The following SCMH1 variants were observed in gnomAD, a reference collection of about 807,000 sequenced individuals.
SCMH1 encodes polycomb protein SCMH1.
In SCMH1, 37 loss-of-function variants were observed where a neutral mutation model predicts 70.8. That is an observed-to-expected ratio of 0.52 (90% confidence interval 0.40 to 0.69). SCMH1 has a LOEUF of 0.69. Among genes scored for constraint, SCMH1 ranks in the 30% least tolerant of loss-of-function variants. SCMH1 has a pLI of 0.00. For missense variants in SCMH1, 607 were observed against 827.3 expected (o/e 0.73, Z 3.27); for synonymous variants, 292 against 307.4 (o/e 0.95, Z 0.52).
chr1:41,094,724 A>C (rs1340488303), intron 8 of SCMH1, among the ~76,000 whole-genome samples: 2 of 152,062 alleles, frequency 1.3e-5, no homozygotes, highest in Non-Finnish European at 2.9e-5. Flanking sequence ...CCCCGTCTCT[A>C]CTAAAAATAC....
intron 2 of SCMH1, among the ~76,000 whole-genome samples, chr1:41,169,591 G>A (rs959810702): frequency 1.2e-4 from 18 of 152,074 alleles, no homozygotes; most frequent in African/African-American, 3.6e-4. Flanking sequence ...TGGGACACTC[G>A]TTGTGTGGAC....
chr1:41,181,393 C>T (rs1648721393), intron 2 of SCMH1, among the ~76,000 whole-genome samples: 1 of 152,076 alleles, frequency 6.6e-6, no homozygotes, highest in Admixed American at 6.6e-5. Context: ...AAAGAAACTA[C>T]CATCAGAGTG....
chr1:41,069,499 G>C (rs554737368), intron 10 of SCMH1, among the ~76,000 whole-genome samples: 1 of 152,128 alleles, frequency 6.6e-6, no homozygotes, highest in African/African-American at 2.4e-5. Context: ...TTTAAACTAT[G>C]AATGTGTATA....
chr1:41,101,565 T>G lies in SCMH1; in HGVS notation c.745+11718A>C, dbSNP rs557239749. Among the ~76,000 whole-genome samples the G allele has an allele frequency of 3.9e-5, 6 of 152,362 alleles. No homozygotes were observed. The South Asian group carries it at 6.2e-4, about 16-fold the overall frequency. On this transcript the variant is annotated intron_variant, in intron 8 of 14. Transcript: ENST00000337495. ...GTGGATATACACATTTTTTCAAAAT[T>G]TTTAATTTTCATTTGAAACCTTAAA...
chr1:41,198,832 G>A (rs543362774), intron 1 of SCMH1, among the ~76,000 whole-genome samples: 1 of 152,276 alleles, frequency 6.6e-6, no homozygotes, highest in African/African-American at 2.4e-5. Flanking sequence ...AAATCTTCAT[G>A]TGAAAAGCAA....
intron 8 of SCMH1, among the ~76,000 whole-genome samples, chr1:41,091,626 T>C (rs932480909): frequency 6.6e-6 from 1 of 152,132 alleles, no homozygotes; most frequent in Non-Finnish European, 1.5e-5. Context: ...GATTGTATAT[T>C]TAGAAAACCC....
At chr1:41,116,757 T>TA (rs34477858) in intron 7 of SCMH1, among the ~76,000 whole-genome samples, 165 bp downstream of exon 7, 16,502 of 152,272 alleles carry the variant, frequency 0.11, 1,276 homozygotes, top group East Asian at 0.28. Flanking sequence ...CCTTATAGTC[T>TA]AATATATTCC....
chr1:41,119,692 G>A (rs1466456779), intron 6 of SCMH1, among the ~76,000 whole-genome samples: 1 of 152,170 alleles, frequency 6.6e-6, no homozygotes, highest in Non-Finnish European at 1.5e-5. Flanking sequence ...GATGTTTGCA[G>A]TTTGGGCACT....
intron 1 of SCMH1, among the ~76,000 whole-genome samples, chr1:41,207,062 A>G (rs1655732012): frequency 6.6e-6 from 1 of 152,226 alleles, no homozygotes; most frequent in Non-Finnish European, 1.5e-5. Flanking sequence ...GAAAGAAACA[A>G]TCAGTACCAG....
chr1:41,113,783 C>T lies in SCMH1; in HGVS notation c.502-257G>A, dbSNP rs1011958669. On this transcript the variant is annotated intron_variant, in intron 7 of 14. Transcript: ENST00000337495. This position sits in a 1 kb window ranked among gnomAD's most constrained non-coding sequence, Gnocchi z 4.3. ...AGGTTGCAGATAAAGTTGAATCTCC[C>T]TTTCTGCCCTTCCCATATTCCATTC... Among the ~76,000 whole-genome samples the T allele has an allele frequency of 6.6e-6, 1 of 152,072 alleles. No homozygotes were observed. Among genetic ancestry groups the T allele is most frequent in the African/African-American group, 2.4e-5 (1 of 41,392 alleles).
chr1:41,169,306 C>T (rs938534373), intron 2 of SCMH1, among the ~76,000 whole-genome samples: 10 of 152,154 alleles, frequency 6.6e-5, no homozygotes, highest in Admixed American at 3.9e-4. Flanking sequence ...CATCAGCTCC[C>T]GAATGTAAGT....
At chr1:41,233,710 T>C (rs1246350599) in intron 1 of SCMH1, among the ~76,000 whole-genome samples, 1 of 152,230 alleles carries the variant, frequency 6.6e-6, no homozygotes, top group Non-Finnish European at 1.5e-5. Flanking sequence ...CTTTTTAGGA[T>C]TCCCATTTCA....
chr1:41,135,353 T>A (rs1643112225), intron 6 of SCMH1, among the ~76,000 whole-genome samples: 1 of 152,176 alleles, frequency 6.6e-6, no homozygotes, highest in Admixed American at 6.5e-5. Flanking sequence ...CCACATATGA[T>A]GATAGGGACC....
chr1:41,093,495 G>A (rs866383166), intron 8 of SCMH1, among the ~76,000 whole-genome samples: 10 of 152,102 alleles, frequency 6.6e-5, no homozygotes, highest in South Asian at 6.2e-4. Flanking sequence ...CGTTGTGCAC[G>A]TGTACCCTAG....
At chr1:41,231,062 G>C (rs7414881) in intron 1 of SCMH1, among the ~76,000 whole-genome samples, 5 of 152,174 alleles carry the variant, frequency 3.3e-5, no homozygotes, top group Non-Finnish European at 5.9e-5. Flanking sequence ...CAGAACAGTA[G>C]AATTCTATAT....
intron 8 of SCMH1, among the ~76,000 whole-genome samples, chr1:41,094,718 G>A (rs1326325395): frequency 2.0e-5 from 3 of 151,858 alleles, no homozygotes; most frequent in Admixed American, 6.6e-5. Flanking sequence ...ATGAAACCCC[G>A]TCTCTACTAA....
chr1:41,070,972 C>T (rs1371535865), intron 9 of SCMH1, among the ~76,000 whole-genome samples: 1 of 152,014 alleles, frequency 6.6e-6, no homozygotes, highest in Non-Finnish European at 1.5e-5. Flanking sequence ...ATCTTTTATA[C>T]TAGATTCAAT....
At chr1:41,107,264 T>TC (rs1364715308) in intron 8 of SCMH1, among the ~76,000 whole-genome samples, 1 of 151,798 alleles carries the variant, frequency 6.6e-6, no homozygotes, top group African/African-American at 2.4e-5. Context: ...TAGGTTGGGG[T>TC]CCCTCTGTAC....
intron 1 of SCMH1, among the ~76,000 whole-genome samples, chr1:41,193,377 C>A (rs1181462860): frequency 6.6e-6 from 1 of 152,088 alleles, no homozygotes; most frequent in Admixed American, 6.6e-5. Context: ...AAGTGTAAGT[C>A]CCTGTTCATG....
Sources: gnomAD v4.1 joint callset for allele counts (sites outside exome capture counted in the v4.1 genomes callset) on GRCh38, gnomAD v4.1.1 for gene constraint, Gnocchi (gnomAD v3.1) non-coding constraint, MANE v1.5 for transcripts, NCBI Gene and HGNC (gene_info 2026-07-23, HGNC 2026-07-21) for gene names.